Variants in TAF1B observed in about 807,000 individuals in gnomAD.
The protein encoded by TAF1B is TATA-box binding protein associated factor, RNA polymerase I subunit B.
TAF1B carries 61 observed loss-of-function variants against 83.9 expected under a neutral mutation model. The observed-to-expected ratio is 0.73, with a 90% CI of 0.59 to 0.90. TAF1B has a LOEUF of 0.90. Ranked by LOEUF, TAF1B falls within the 40% of genes least tolerant of loss-of-function variation. TAF1B has a pLI of 0.00. For synonymous variants in TAF1B, 221 were observed against 224.6 expected (o/e 0.98, Z 0.14); for missense variants, 625 against 677.0 (o/e 0.92, Z 0.85).
intron 8 of TAF1B, among the ~76,000 whole-genome samples, chr2:9,886,855 A>G (rs1454275343): frequency 6.6e-6 from 1 of 152,218 alleles, no homozygotes; most frequent in Non-Finnish European, 1.5e-5. Flanking sequence ...TCGCGAGGTC[A>G]GGAGATTGAG....
chr2:9,880,735 C>T (rs1664478526), intron 7 of TAF1B, among the ~76,000 whole-genome samples: 1 of 152,056 alleles, frequency 6.6e-6, no homozygotes, highest in Admixed American at 6.5e-5. Flanking sequence ...ACTCCTAACA[C>T]TCCACATAGT....
intron 9 of TAF1B, among the ~76,000 whole-genome samples, chr2:9,908,094 G>A (rs1029633081): frequency 2.7e-5 from 2 of 74,128 alleles, no homozygotes; most frequent in South Asian, 5.3e-4. Flanking sequence ...CACCCAGGCT[G>A]GAGTGTAATG....
chr2:9,862,331 A>T (rs537228677), intron 5 of TAF1B, among the ~76,000 whole-genome samples: 1 of 152,332 alleles, frequency 6.6e-6, no homozygotes, highest in East Asian at 1.9e-4. Flanking sequence ...AATCAACTGG[A>T]AGAAAGTGTA....
At chr2:9,895,657 C>T (rs1226903360) in intron 8 of TAF1B, among the ~76,000 whole-genome samples, 2 of 152,068 alleles carry the variant, frequency 1.3e-5, no homozygotes, top group African/African-American at 4.8e-5. Flanking sequence ...AGTGCTTTGT[C>T]ATTACTTCTG....
intron 8 of TAF1B, among the ~76,000 whole-genome samples, chr2:9,891,429 T>G (rs1000539402): frequency 2.6e-5 from 4 of 152,232 alleles, no homozygotes; most frequent in Non-Finnish European, 5.9e-5. Context: ...AACTGATGCC[T>G]GATACATGTA....
At chr2:9,849,278 A>G in intron 2 of TAF1B, 95 bp from the exon 3 acceptor site, 1 of 869,252 alleles carries the variant, frequency 1.2e-6, no homozygotes, top group East Asian at 2.8e-5. Context: ...TGGCACTCAC[A>G]ATTTGGTTTA....
intron 6 of TAF1B, among the ~76,000 whole-genome samples, chr2:9,874,382 A>G (rs1014225342): frequency 6.6e-6 from 1 of 151,974 alleles, no homozygotes; most frequent in Non-Finnish European, 1.5e-5. Context: ...TTCCCTTCCC[A>G]TCACTTACTA....
At chr2:9,929,770 C>G (rs1355883403) in intron 14 of TAF1B, among the ~76,000 whole-genome samples, 2 of 152,104 alleles carry the variant, frequency 1.3e-5, no homozygotes, top group Non-Finnish European at 2.9e-5. Context: ...GGTACCAGCT[C>G]CTTGTTGTAC....
chr2:9,874,351 A>G (rs1402442477), intron 6 of TAF1B, among the ~76,000 whole-genome samples: 1 of 152,186 alleles, frequency 6.6e-6, no homozygotes, highest in Non-Finnish European at 1.5e-5. Context: ...TCTGACACCC[A>G]TATAAAGTAG....
In TAF1B at chr2:9,905,132, A is replaced by G; in HGVS notation, c.955+126A>G. The G allele has an allele frequency of 6.9e-6, 5 of 722,076 alleles. No homozygotes were observed. In the South Asian group the frequency reaches 1.4e-4, roughly 21 times the overall value. 44.7% of individuals were successfully genotyped at this position (722,076 alleles called of 1,614,324 possible). On this transcript the variant is annotated intron_variant, in intron 9 of 14. Transcript: ENST00000263663. The stretch of plus-strand genomic sequence containing the variant: ...AAAGGTCCATGGTTACATGAAACTT[A>G]ATGTCAAAATCCTTTCTTAAAATAA...
intron 2 of TAF1B, 84 bp downstream of exon 2, chr2:9,845,402 ATTGGG>A (rs1663173269): frequency 2.6e-6 from 3 of 1,141,036 alleles, no homozygotes; most frequent in African/African-American, 3.1e-5. Context: ...GTCCCAAAGA[ATTGGG>A]TTGATTTTTG....
intron 14 of TAF1B, among the ~76,000 whole-genome samples, chr2:9,929,398 TC>T (rs1399161954): frequency 6.6e-6 from 1 of 152,154 alleles, no homozygotes; most frequent in East Asian, 1.9e-4. Flanking sequence ...GACCTCGTGA[TC>T]CACCCACGTC....
At chr2:9,915,081 G>C (rs1481011129) in intron 12 of TAF1B, among the ~76,000 whole-genome samples, 1 of 152,182 alleles carries the variant, frequency 6.6e-6, no homozygotes, top group African/African-American at 2.4e-5. Flanking sequence ...AGCGTAAGAG[G>C]CTACTTTGAT....
intron 6 of TAF1B, among the ~76,000 whole-genome samples, chr2:9,872,860 T>A (rs10495575): frequency 2.0e-5 from 3 of 152,078 alleles, no homozygotes; most frequent in Non-Finnish European, 2.9e-5. Flanking sequence ...TTGTTAAACC[T>A]TAGTAATTTG....
intron 8 of TAF1B, among the ~76,000 whole-genome samples, chr2:9,895,319 G>A (rs1476023281): frequency 1.3e-5 from 2 of 152,098 alleles, no homozygotes; most frequent in Non-Finnish European, 2.9e-5. Context: ...GGGCAACATG[G>A]TGAAACTCTG....
At chr2:9,852,193 A>G (rs780280993) in intron 4 of TAF1B, 4 of 309,692 alleles carry the variant, frequency 1.3e-5, no homozygotes, top group Admixed American at 4.4e-5. Context: ...GAGCCCAAGA[A>G]TGTGCATTTC....
chr2:9,905,185 A>G (rs529025226), intron 9 of TAF1B, among the ~76,000 whole-genome samples, 179 bp downstream of exon 9: 2 of 152,366 alleles, frequency 1.3e-5, no homozygotes, highest in African/African-American at 4.8e-5. Context: ...CATTAAAGGG[A>G]CAATATTCAG....
intron 5 of TAF1B, among the ~76,000 whole-genome samples, chr2:9,859,764 T>G (rs1356025945): frequency 6.6e-6 from 1 of 152,234 alleles, no homozygotes; most frequent in East Asian, 1.9e-4. Context: ...TGTCTTCTTC[T>G]GAGCCCTGCA....
At chr2:9,843,596 G>A (rs770243046) in intron 1 of TAF1B, 37 bp downstream of exon 1, 1 of 1,479,378 alleles carries the variant, frequency 6.8e-7, no homozygotes, top group Non-Finnish European at 9.0e-7. Flanking sequence ...CACGATCGCC[G>A]GGGCCGGAGG....
Sources: allele counts gnomAD v4.1 joint callset (sites outside exome capture counted in the v4.1 genomes callset), GRCh38; gene constraint gnomAD v4.1.1; transcripts MANE v1.5; gene names NCBI Gene and HGNC (gene_info 2026-07-23, HGNC 2026-07-21).